The following SPECC1 variants were observed in gnomAD, a reference collection of about 807,000 sequenced individuals.
The protein encoded by SPECC1 is cytospin-B.
SPECC1 carries 62 observed loss-of-function variants against 104.1 expected under a neutral mutation model. The ratio of observed to expected loss-of-function variants is 0.60; its 90% confidence interval spans 0.49 to 0.74. The LOEUF (loss-of-function observed/expected upper bound fraction) is 0.74. Ranked by LOEUF, SPECC1 falls within the 30% of genes least tolerant of loss-of-function variation. The pLI is 0.00. For missense variants in SPECC1, 1,306 were observed against 1,310.5 expected, an observed-to-expected ratio of 1.00 and a Z score of 0.05; for synonymous variants, 513 against 501.6, an observed-to-expected ratio of 1.02 and a Z score of -0.30.
intron 12 of SPECC1, among the ~76,000 whole-genome samples, chr17:20,266,824 G>A (rs2040234663): frequency 6.6e-6 from 1 of 152,204 alleles, no homozygotes; most frequent in East Asian, 1.9e-4. Context: ...GATGACATTT[G>A]AGCACTTGCT....
At chr17:20,269,497 C>G (rs1287085132) in intron 12 of SPECC1, among the ~76,000 whole-genome samples, 2 of 152,206 alleles carry the variant, frequency 1.3e-5, no homozygotes, top group African/African-American at 4.8e-5. Flanking sequence ...ACCATCTCGG[C>G]TCACCACAAC....
chr17:20,259,209 TTAATG>T (rs2039941050), intron 11 of SPECC1, among the ~76,000 whole-genome samples: 1 of 152,198 alleles, frequency 6.6e-6, no homozygotes, highest in Admixed American at 6.5e-5. Flanking sequence ...TTTCAGAAGT[TTAATG>T]TAAAGCCCCA....
At chr17:20,281,095 A>G (rs574145865) in intron 12 of SPECC1, among the ~76,000 whole-genome samples, 1 of 152,330 alleles carries the variant, frequency 6.6e-6, no homozygotes, top group East Asian at 1.9e-4. Context: ...ATGTCAGCTC[A>G]GTTCTTAGCA....
Position 20,227,787 on chromosome 17 carries a change from C to T in SPECC1, c.2071+167C>T, listed in dbSNP as rs1250525332. Reference sequence around the variant, plus strand: ...AAAATTAGCCGGGCGTGGTGGTGGGCGCCTGTAATCCCAGCTACTCAGGAG... The same window carrying T: ...AAAATTAGCCGGGCGTGGTGGTGGGTGCCTGTAATCCCAGCTACTCAGGAG... On this transcript the variant is annotated intron_variant, in intron 5 of 14. Transcript: ENST00000395527. Among the ~76,000 whole-genome samples, 4 of 152,100 alleles carry T rather than the reference C, an allele frequency of 2.6e-5. No individual in the cohort carries two copies. In the South Asian group the frequency reaches 8.3e-4, roughly 32 times the overall value.
chr17:20,306,170 T>C, intron 14 of SPECC1, 88 bp downstream of exon 14: 1 of 1,268,636 alleles, frequency 7.9e-7, no homozygotes, highest in Non-Finnish European at 1.1e-6. Context: ...TCGTAGAACA[T>C]TGACATCTGT....
rs1490342704 is a variant in SPECC1 at position 20,237,317 on chromosome 17, T to G, written c.2351+4912T>G. The stretch of plus-strand genomic sequence containing the variant: ...TGTTGTTGTTGTTGTTTTGTTTTGT[T>G]TTTTTTTTTTTTTTGAGACAGAGTT... On this transcript the variant is annotated intron_variant, in intron 7 of 14. Transcript: ENST00000395527. The G allele has an allele frequency of 3.6e-5, 17 of 478,622 alleles. No homozygotes were observed. In the Admixed American group the frequency reaches 7.2e-4, roughly 20 times the overall value. The allele number at this position is 478,622 out of a possible 1,614,324, so 29.6% of individuals were successfully genotyped here.
chr17:20,222,027 T>TC (rs1401645536), intron 4 of SPECC1, among the ~76,000 whole-genome samples: 1 of 151,728 alleles, frequency 6.6e-6, no homozygotes, highest in African/African-American at 2.4e-5. Flanking sequence ...TTTTTTTTTT[T>TC]TTTTTTAAGT....
intron 1 of SPECC1, 91 bp from the exon 2 acceptor site, chr17:20,096,539 TG>T: frequency 7.3e-7 from 1 of 1,372,986 alleles, no homozygotes; most frequent in Non-Finnish European, 1.0e-6. Context: ...TGATAGTTCA[TG>T]GTGACGTGGT....
chr17:20,041,266 G>C (rs1244832366), intron 1 of SPECC1, among the ~76,000 whole-genome samples: 3 of 152,060 alleles, frequency 2.0e-5, no homozygotes, highest in African/African-American at 7.2e-5. Flanking sequence ...ATGGAGTTTT[G>C]CTCTTGTTGC....
intron 3 of SPECC1, among the ~76,000 whole-genome samples, chr17:20,110,876 G>A (rs1305574421): frequency 1.3e-5 from 2 of 152,014 alleles, no homozygotes; most frequent in Non-Finnish European, 2.9e-5. Flanking sequence ...TTCTGGGGCT[G>A]TCTTGATACA....
intron 1 of SPECC1, among the ~76,000 whole-genome samples, chr17:20,079,267 A>G (rs1020429831): frequency 1.3e-5 from 2 of 151,982 alleles, no homozygotes; most frequent in Non-Finnish European, 2.9e-5. Context: ...CTTTTCCAAC[A>G]TGTGTTCCTT....
intron 1 of SPECC1, among the ~76,000 whole-genome samples, chr17:20,029,048 C>A (rs764084282): frequency 6.6e-6 from 1 of 152,098 alleles, no homozygotes. Flanking sequence ...AGGCATGAAC[C>A]GCCACCCCCA....
In SPECC1 at chr17:20,093,595, G is replaced by A. The variant is rs1036584523; in HGVS notation, c.-21-3036G>A. 9.2e-5 allele frequency among the ~76,000 whole-genome samples: 14 copies of A among 152,254 alleles called. No individual in the cohort carries two copies. In the East Asian group the frequency reaches 2.7e-3, roughly 29 times the overall value. Reference sequence around the variant, plus strand: ...GAGGGATGTAGAAGTGGTGGGAAGTGGATTGGGAGGAAACCTGAAGAAACT... The same window carrying A: ...GAGGGATGTAGAAGTGGTGGGAAGTAGATTGGGAGGAAACCTGAAGAAACT... On this transcript the variant is annotated intron_variant, in intron 1 of 14. Coordinates refer to ENST00000395527, the MANE Select transcript of SPECC1 (RefSeq NM_001243439.2).
chr17:20,260,127 T>C, intron 11 of SPECC1, 65 bp from the exon 12 acceptor site: 1 of 1,307,398 alleles, frequency 7.6e-7, no homozygotes, highest in Non-Finnish European at 1.1e-6. Flanking sequence ...TATTTATTTC[T>C]TGTGTATTTG....
chr17:20,130,066 T>C (rs1463856551), intron 3 of SPECC1, among the ~76,000 whole-genome samples: 1 of 152,180 alleles, frequency 6.6e-6, no homozygotes, highest in Non-Finnish European at 1.5e-5. Flanking sequence ...CTAGAGCCAC[T>C]TCTTTAAGAT....
chr17:20,299,050 G>A (rs573849207), intron 13 of SPECC1, among the ~76,000 whole-genome samples: 4 of 150,936 alleles, frequency 2.7e-5, no homozygotes, highest in Admixed American at 2.0e-4. Context: ...GATTATAGAA[G>A]CTAGCAAGTC....
At chr17:20,127,537 G>A (rs2049379536) in intron 3 of SPECC1, among the ~76,000 whole-genome samples, 1 of 150,996 alleles carries the variant, frequency 6.6e-6, no homozygotes, top group South Asian at 2.1e-4. Context: ...GGAGCTCCTG[G>A]GCTCCAGCAG....
intron 12 of SPECC1, among the ~76,000 whole-genome samples, chr17:20,263,879 A>T (rs1329497176): frequency 6.6e-6 from 1 of 151,696 alleles, no homozygotes; most frequent in Non-Finnish European, 1.5e-5. Flanking sequence ...TTCCTGCTGG[A>T]GTGATTTGTG....
rs181090995 is a variant in SPECC1 at position 20,180,538 on chromosome 17, G to C, written c.284-23795G>C. Among the ~76,000 whole-genome samples, 283 of 152,334 alleles carry C rather than the reference G, an allele frequency of 1.9e-3. 1 individual carries two copies. Among genetic ancestry groups the C allele is most frequent in the Non-Finnish European group, 3.2e-3 (217 of 68,030 alleles). On this transcript the variant is annotated intron_variant, in intron 3 of 14. Transcript: ENST00000395527. ...GCTAATTATGTGTCTTTTCTAATTT[G>C]ACGGGTCAGCTAAGCTAAATTGCCA...
Sources: allele counts gnomAD v4.1 joint callset (sites outside exome capture counted in the v4.1 genomes callset), GRCh38; gene constraint gnomAD v4.1.1; transcripts MANE v1.5; gene names NCBI Gene and HGNC (gene_info 2026-07-23, HGNC 2026-07-21).